The following TRAPPC9 variants were observed in gnomAD, a reference collection of about 807,000 sequenced individuals.
TRAPPC9 encodes trafficking protein particle complex subunit 9, also known as IKK2 binding protein.
TRAPPC9 carries 83 observed loss-of-function variants against 124.0 expected under a neutral mutation model. That is an observed-to-expected ratio of 0.67 (90% CI 0.56 to 0.80). The LOEUF is 0.80. TRAPPC9 is among the 30% of genes least tolerant of loss of function. The pLI, the probability that TRAPPC9 is intolerant of heterozygous loss-of-function variation, is 0.00. For missense variants in TRAPPC9, 1,302 were observed against 1,508.3 expected (o/e 0.86, Z 2.27); for synonymous variants, 638 against 617.5 (o/e 1.03, Z -0.49).
intron 19 of TRAPPC9, among the ~76,000 whole-genome samples, chr8:139,946,701 C>G (rs1834242573): frequency 6.6e-6 from 1 of 151,244 alleles, no homozygotes; most frequent in Admixed American, 6.6e-5. Flanking sequence ...AAGGCCCTGG[C>G]CAAGAGCAGT....
chr8:140,160,858 T>G (rs1363859880), intron 17 of TRAPPC9, among the ~76,000 whole-genome samples: 1 of 152,068 alleles, frequency 6.6e-6, no homozygotes. Flanking sequence ...TCTGCCCTAT[T>G]TAATAGTCAA....
intron 19 of TRAPPC9, among the ~76,000 whole-genome samples, chr8:139,977,268 G>A (rs923229924): frequency 6.6e-6 from 1 of 151,956 alleles, no homozygotes; most frequent in Non-Finnish European, 1.5e-5. Context: ...TCACAGAACC[G>A]ATAAACACTC....
At chr8:139,932,671 C>T (rs1048249465) in intron 19 of TRAPPC9, 36 of 384,390 alleles carry the variant, frequency 9.4e-5, no homozygotes, top group Middle Eastern at 9.0e-4. Context: ...GGCTGAGGCA[C>T]GAGAATTGCC....
At chr8:140,218,647 T>A (rs1468206678) in intron 17 of TRAPPC9, among the ~76,000 whole-genome samples, 1 of 151,898 alleles carries the variant, frequency 6.6e-6, no homozygotes, top group Non-Finnish European at 1.5e-5. Context: ...AAAACACATG[T>A]CCAGGGGTGT....
chr8:139,739,182 A>G (rs1284464615), intron 21 of TRAPPC9, among the ~76,000 whole-genome samples: 2 of 151,928 alleles, frequency 1.3e-5, no homozygotes, highest in African/African-American at 2.4e-5. Context: ...TCCCCAGTAG[A>G]GTGGCTCCAC....
At chr8:140,068,826 C>T (rs1842999706) in intron 17 of TRAPPC9, among the ~76,000 whole-genome samples, 1 of 152,182 alleles carries the variant, frequency 6.6e-6, no homozygotes. Context: ...TGAGTATTAA[C>T]TACCTGAATT....
intron 9 of TRAPPC9, among the ~76,000 whole-genome samples, chr8:140,341,221 G>A (rs1396602403): frequency 6.6e-6 from 1 of 152,192 alleles, no homozygotes; most frequent in Non-Finnish European, 1.5e-5. Flanking sequence ...AAAAATTAAT[G>A]TGTAGGCCCT....
At chr8:140,149,635 AAAG>A (rs2061513233) in intron 17 of TRAPPC9, among the ~76,000 whole-genome samples, 2 of 152,188 alleles carry the variant, frequency 1.3e-5, no homozygotes, top group South Asian at 4.2e-4. Context: ...AAAAAAAAAA[AAAG>A]AATATTATTC....
chr8:140,042,585 T>A (rs1841341093), intron 17 of TRAPPC9, among the ~76,000 whole-genome samples: 1 of 152,158 alleles, frequency 6.6e-6, no homozygotes, highest in South Asian at 2.1e-4. Context: ...GGACACCTGG[T>A]CTTTAGGGAG....
At chr8:140,299,297 G>T (rs2065899140) in intron 11 of TRAPPC9, among the ~76,000 whole-genome samples, 1 of 152,036 alleles carries the variant, frequency 6.6e-6, no homozygotes, top group African/African-American at 2.4e-5. Context: ...CGGGAGGGGT[G>T]TGGGCAGGGG....
intron 17 of TRAPPC9, among the ~76,000 whole-genome samples, chr8:140,152,149 C>A (rs1337101475): frequency 3.3e-5 from 5 of 150,790 alleles, no homozygotes; most frequent in Admixed American, 3.3e-4. Context: ...TAGAAAAAAG[C>A]CTCGGACAGC....
intron 15 of TRAPPC9, among the ~76,000 whole-genome samples, chr8:140,273,658 G>A (rs1037983174): frequency 2.0e-5 from 3 of 152,144 alleles, no homozygotes; most frequent in African/African-American, 7.2e-5. Context: ...CATCTGCCCA[G>A]GCCCCTCTGC....
intron 16 of TRAPPC9, among the ~76,000 whole-genome samples, chr8:140,233,782 C>A (rs1366279527): frequency 6.6e-6 from 1 of 151,744 alleles, no homozygotes; most frequent in African/African-American, 2.4e-5. Context: ...TTTTCCTACC[C>A]TACCCTTTTC....
chr8:140,279,676 A>G (rs1455692333), intron 14 of TRAPPC9, among the ~76,000 whole-genome samples: 2 of 152,070 alleles, frequency 1.3e-5, no homozygotes, highest in African/African-American at 4.8e-5. Flanking sequence ...GTACCAGAGC[A>G]TGCACGCACC....
intron 17 of TRAPPC9, among the ~76,000 whole-genome samples, chr8:140,057,969 G>A (rs545271877): frequency 6.6e-6 from 1 of 152,308 alleles, no homozygotes; most frequent in South Asian, 2.1e-4. Context: ...CCTGCACCAC[G>A]CTGGGGGCAG....
At chr8:140,405,758 T>A in intron 5 of TRAPPC9, 60 bp from the exon 6 acceptor site, 1 of 1,602,372 alleles carries the variant, frequency 6.2e-7, no homozygotes, top group East Asian at 2.2e-5. Context: ...ATTTCTTTGT[T>A]AAAGAGGAGC....
At chr8:140,198,306 C>T (rs1181996391) in intron 17 of TRAPPC9, among the ~76,000 whole-genome samples, 1 of 152,150 alleles carries the variant, frequency 6.6e-6, no homozygotes, top group African/African-American at 2.4e-5. Flanking sequence ...TAACATTAGC[C>T]ACAAGATTAA....
intron 19 of TRAPPC9, among the ~76,000 whole-genome samples, chr8:139,924,949 G>C (rs2131354087): frequency 6.6e-6 from 1 of 152,302 alleles, no homozygotes; most frequent in South Asian, 2.1e-4. Context: ...GCGGTGTTCA[G>C]TGTGGCCCCA....
Position 139,984,760 on chromosome 8 carries a change from T to G in TRAPPC9, c.2810+3966A>C, listed in dbSNP as rs548892873. Among the ~76,000 whole-genome samples the G allele has an allele frequency of 1.1e-3, 161 of 152,250 alleles. 1 individual carries two copies. The highest frequency in any genetic ancestry group is 1.9e-3 in the Admixed American group (29 of 15,294). Reference sequence around the variant, plus strand: ...AAAGGGAGGGGAGGGGAATCATGCATTCTAGGGCTCAGGGCAGAGTTGCAT... The same window carrying G: ...AAAGGGAGGGGAGGGGAATCATGCAGTCTAGGGCTCAGGGCAGAGTTGCAT... On this transcript the variant is annotated intron_variant, in intron 19 of 22. Coordinates refer to ENST00000438773, the MANE Select transcript of TRAPPC9 (RefSeq NM_001160372.4). The surrounding 1 kb of genome is among the most constrained non-coding windows in gnomAD (Gnocchi z 4.3).
Sources: gnomAD v4.1 joint callset for allele counts (sites outside exome capture counted in the v4.1 genomes callset) on GRCh38, gnomAD v4.1.1 for gene constraint, Gnocchi (gnomAD v3.1) non-coding constraint, MANE v1.5 for transcripts, NCBI Gene and HGNC (gene_info 2026-07-23, HGNC 2026-07-21) for gene names.